The following EDDM13 variants were observed in gnomAD, a reference collection of about 807,000 sequenced individuals.
The protein encoded by EDDM13 is epididymal protein 13.
Under a neutral mutation model 17.8 loss-of-function variants are expected in EDDM13, and 24 were observed. The observed-to-expected ratio is 1.35, with a 90% CI of 0.98 to 1.90. EDDM13 has a LOEUF of 1.90. EDDM13 is among the 40% of genes most tolerant of loss of function. The pLI is 0.00. For synonymous variants in EDDM13, 31 were observed against 37.5 expected, an observed-to-expected ratio of 0.83 and a Z score of 0.63; for missense variants, 97 against 100.8, an observed-to-expected ratio of 0.96 and a Z score of 0.16.
At chr19:56,273,062 T>C (rs59565427) in intron 1 of EDDM13, 143 bp downstream of exon 1, 103,491 of 186,114 alleles carry the variant, frequency 0.56, 29,185 homozygotes, top group South Asian at 0.6. Flanking sequence ...TTTCCCTTGA[T>C]GGACACAGTG....
At chr19:56,290,098 A>T (rs1282723630) in intron 8 of EDDM13, among the ~76,000 whole-genome samples, 1 of 152,224 alleles carries the variant, frequency 6.6e-6, no homozygotes, top group Non-Finnish European at 1.5e-5. Context: ...AAACTTTTTC[A>T]AAAAGACAGA....
At chr19:56,295,186 T>C (rs1010845123) in intron 9 of EDDM13, 1 of 152,198 alleles carries the variant, frequency 6.6e-6, no homozygotes, top group East Asian at 1.9e-4. Flanking sequence ...TATATTAATA[T>C]ACCAGTCAAG....
chr19:56,304,867 T>C, intron 14 of EDDM13, 37 bp downstream of exon 14: 3 of 888,120 alleles, frequency 3.4e-6, no homozygotes, highest in Non-Finnish European at 4.0e-6. Context: ...TTCCCACCGC[T>C]GGGGTGGGGT....
chr19:56,295,082 T>C (rs959795706), intron 9 of EDDM13: 4 of 152,228 alleles, frequency 2.6e-5, no homozygotes, highest in African/African-American at 4.8e-5. Flanking sequence ...GAAAACGTTC[T>C]AAAATTGTTT....
intron 13 of EDDM13, among the ~76,000 whole-genome samples, chr19:56,303,760 A>G (rs2040497536): frequency 6.6e-6 from 1 of 152,168 alleles, no homozygotes. Flanking sequence ...GAACTAAATC[A>G]GGGTGATATC....
chr19:56,288,183 A>C (rs2039265898), intron 6 of EDDM13, among the ~76,000 whole-genome samples: 1 of 152,094 alleles, frequency 6.6e-6, no homozygotes. Flanking sequence ...GGTCTGCCTC[A>C]CTGAGCTCCA....
intron 1 of EDDM13, chr19:56,274,836 C>T (rs2038131447): frequency 6.6e-6 from 1 of 151,962 alleles, no homozygotes; most frequent in South Asian, 2.1e-4. Context: ...TTTTGTTATC[C>T]CATCTCCTTT....
At chr19:56,291,441 T>A (rs1277957896) in intron 9 of EDDM13, among the ~76,000 whole-genome samples, 1 of 152,248 alleles carries the variant, frequency 6.6e-6, no homozygotes, top group Non-Finnish European at 1.5e-5. Flanking sequence ...CCTATCGCAT[T>A]AATCTGGAAG....
chr19:56,280,358 C>A (rs1004795546), intron 2 of EDDM13, among the ~76,000 whole-genome samples: 1 of 152,016 alleles, frequency 6.6e-6, no homozygotes, highest in Non-Finnish European at 1.5e-5. Flanking sequence ...ATACTAATGG[C>A]CACTCAGGTT....
chr19:56,273,293 T>C (rs1355321197), intron 1 of EDDM13, among the ~76,000 whole-genome samples: 1 of 152,144 alleles, frequency 6.6e-6, no homozygotes, highest in Non-Finnish European at 1.5e-5. Context: ...AACATTACCA[T>C]AGTTAGATAA....
At chr19:56,307,298 T>TGGG (rs2040753845) in intron 14 of EDDM13, among the ~76,000 whole-genome samples, 1 of 152,032 alleles carries the variant, frequency 6.6e-6, no homozygotes, top group Non-Finnish European at 1.5e-5. Flanking sequence ...GATCATACGA[T>TGGG]ATACCCCCAC....
intron 11 of EDDM13, among the ~76,000 whole-genome samples, chr19:56,296,741 T>C (rs1482833064): frequency 6.6e-6 from 1 of 151,966 alleles, no homozygotes; most frequent in Non-Finnish European, 1.5e-5. Context: ...TGCGGGAAAC[T>C]TAAGTTTTTT....
At chr19:56,283,695 G>C (rs1427010239) in intron 4 of EDDM13, 2 of 152,218 alleles carry the variant, frequency 1.3e-5, no homozygotes, top group Admixed American at 1.3e-4. Flanking sequence ...AGAGATCTGA[G>C]TTTGAGTTCC....
chr19:56,295,186 T>A (rs1010845123), intron 9 of EDDM13: 1 of 152,198 alleles, frequency 6.6e-6, no homozygotes, highest in Non-Finnish European at 1.5e-5. Context: ...TATATTAATA[T>A]ACCAGTCAAG....
At position 56,302,033 on chromosome 19, in the gene EDDM13, T is replaced by G; in HGVS notation, c.361T>G (p.Phe121Val). The G allele has an allele frequency of 8.1e-7, 1 of 1,232,012 alleles. No individual in the cohort carries two copies. The highest frequency in any genetic ancestry group is 1.0e-6 in the Non-Finnish European group (1 of 988,218). 76.3% of individuals were successfully genotyped at this position (1,232,012 alleles called of 1,614,324 possible). ...CCCCAAGAGGAAGAACACGTGGAAC[T>G]TCCTGAAATGCGCCTACATGGTGAT... The part of the protein sequence containing the change: ...PLPKRKNTWN[F>V]LKCAYMVMTY... Residue 121 changes from phenylalanine to valine, a missense_variant, in exon 13 of 15, where the codon TTC (phenylalanine) becomes GTC (valine). Coordinates refer to ENST00000649256, the MANE Select transcript of EDDM13 (RefSeq NM_001354658.2).
At position 56,295,960 on chromosome 19, in the gene EDDM13, G is replaced by C. The variant is rs1307811732; in HGVS notation, c.234G>C (p.Lys78Asn). Residue 78 changes from lysine to asparagine, a missense_variant and splice_region_variant, in exon 10 of 15, where the codon AAG becomes AAC. Transcript: ENST00000649256. ...PQDRTEEEIK[K>N]ILGLLSLQVL... ...CTCCTTCTGGATGGACATCATCAGA[G>C]ATCCTAGGTGACACCTCACTCCATG... The C allele has an allele frequency of 6.6e-6, 1 of 152,660 alleles. No homozygotes were observed. 9.5% of individuals were successfully genotyped at this position (152,660 alleles called of 1,614,324 possible). A position where few individuals can be genotyped will look rare whatever the true frequency, so the allele number is the denominator to read the frequency against.
At chr19:56,299,750 G>A (rs148763613) in intron 12 of EDDM13, 1 of 152,118 alleles carries the variant, frequency 6.6e-6, no homozygotes, top group African/African-American at 2.4e-5. Flanking sequence ...TTATATTTTT[G>A]TATTGTTTTT....
chr19:56,273,355 G>A (rs747757959), intron 1 of EDDM13, among the ~76,000 whole-genome samples: 6 of 152,168 alleles, frequency 3.9e-5, no homozygotes, highest in Non-Finnish European at 8.8e-5. Flanking sequence ...AGAGTATATT[G>A]GGAAGAGGAC....
At chr19:56,278,014 T>C (rs1202974641) in intron 2 of EDDM13, among the ~76,000 whole-genome samples, 1 of 152,220 alleles carries the variant, frequency 6.6e-6, no homozygotes, top group African/African-American at 2.4e-5. Flanking sequence ...AAAGGTATTA[T>C]TTTACATTTT....
Sources: allele counts gnomAD v4.1 joint callset (sites outside exome capture counted in the v4.1 genomes callset), GRCh38; gene constraint gnomAD v4.1.1; transcripts MANE v1.5; gene names NCBI Gene and HGNC (gene_info 2026-07-23, HGNC 2026-07-21).